MYO16: variants seen among roughly 807,000 people sequenced by gnomAD.
MYO16 encodes unconventional myosin-XVI.
A neutral mutation model predicts 205.3 loss-of-function variants in MYO16; 94 were observed. The ratio of observed to expected loss-of-function variants is 0.46; its 90% CI spans 0.39 to 0.54. The LOEUF (loss-of-function observed/expected upper bound fraction) is 0.54, where lower values mean the gene tolerates loss of function less well. MYO16 is among the 20% of genes least tolerant of loss of function. The probability of loss-of-function intolerance (pLI) is 0.00; values close to 1 mark genes in which losing one functional copy is unlikely to be tolerated. For synonymous variants in MYO16, 988 were observed against 954.0 expected (o/e 1.04, Z -0.66); for missense variants, 2,315 against 2,387.5 (o/e 0.97, Z 0.63).
chr13:108,650,423 G>A (rs767810559), intron 1 of MYO16, among the ~76,000 whole-genome samples: 1 of 152,228 alleles, frequency 6.6e-6, no homozygotes, highest in Non-Finnish European at 1.5e-5. Context: ...TCCTGTCTGA[G>A]ACTGTCTGAG....
At chr13:109,157,939 T>G (rs1878155039) in intron 32 of MYO16, among the ~76,000 whole-genome samples, 1 of 152,200 alleles carries the variant, frequency 6.6e-6, no homozygotes, top group South Asian at 2.1e-4. Context: ...ATGTGAGCAC[T>G]CAATGGATTG....
chr13:109,036,742 G>A lies in MYO16; in HGVS notation c.2797-10174G>A, dbSNP rs547726031. Among the ~76,000 whole-genome samples, 8 of 152,240 alleles carry A rather than the reference G, an allele frequency of 5.3e-5. No homozygotes were observed. The East Asian group carries it at 1.5e-3, about 29-fold the overall frequency. ...TTTCTCTATTACATGCATGAGAGAC[G>A]CTGCCATGTACTGCATGAATCCTGT... is the stretch of plus-strand genomic sequence containing the variant. On this transcript the variant is annotated intron_variant, in intron 23 of 34. Transcript: ENST00000457511.
At chr13:108,846,460 CAT>C (rs1877524796) in intron 10 of MYO16, among the ~76,000 whole-genome samples, 1 of 151,212 alleles carries the variant, frequency 6.6e-6, no homozygotes, top group African/African-American at 2.4e-5. Flanking sequence ...AAAATAATAT[CAT>C]TATATATATA....
chr13:109,113,953 C>G (rs1246120073), intron 28 of MYO16, among the ~76,000 whole-genome samples: 1 of 152,040 alleles, frequency 6.6e-6, no homozygotes, highest in African/African-American at 2.4e-5. Context: ...GGTATGGACT[C>G]GGGGATAAGA....
At chr13:108,886,917 A>C (rs1879926599) in intron 13 of MYO16, among the ~76,000 whole-genome samples, 1 of 152,100 alleles carries the variant, frequency 6.6e-6, no homozygotes, top group Non-Finnish European at 1.5e-5. Flanking sequence ...TTCTTCTTTC[A>C]AAATTGTGTG....
chr13:108,932,547 A>G (rs1447468253), intron 16 of MYO16, among the ~76,000 whole-genome samples: 1 of 152,196 alleles, frequency 6.6e-6, no homozygotes, highest in African/African-American at 2.4e-5. Flanking sequence ...TCCTTCATTA[A>G]AATGATCAGG....
At position 108,667,315 on chromosome 13, in the gene MYO16, G is replaced by GTTTT. The variant is rs1186561491; in HGVS notation, c.292+1167_292+1170dup. ...AAACTGTAATATTCTGAGAATTTCT[G>GTTTT]TTTTGTTTTTTTTTTTTTTTTGTCT... On this transcript the variant is annotated intron_variant, in intron 2 of 34. Transcript: ENST00000457511. 2.7e-3 allele frequency among the ~76,000 whole-genome samples: 319 copies of GTTTT among 118,278 alleles called. 6 individuals are homozygous for GTTTT. The highest frequency in any genetic ancestry group is 4.4e-3 in the Non-Finnish European group (252 of 57,566). The allele number at this position is 118,278 out of a possible 152,430, so 77.6% of individuals were successfully genotyped here.
chr13:108,711,453 C>A (rs774220462), intron 2 of MYO16, among the ~76,000 whole-genome samples: 34 of 152,210 alleles, frequency 2.2e-4, no homozygotes, highest in Admixed American at 9.8e-4. Context: ...TCCAAGGGTG[C>A]GCTGATGTAA....
At position 109,188,250 on chromosome 13, in the gene MYO16, C is replaced by T. The variant is rs145064419; in HGVS notation, c.5415+8617C>T. ...GATATAATTCACATACCACACAACC[C>T]GTGCCTTTAAGTTATGAAAATTCAG... is the stretch of plus-strand genomic sequence containing the variant. On this transcript the variant is annotated intron_variant, in intron 34 of 34. Coordinates refer to ENST00000457511, the MANE Select transcript of MYO16 (RefSeq NM_001198950.3). 1.0e-3 allele frequency among the ~76,000 whole-genome samples: 155 copies of T among 152,240 alleles called. 1 individual carries two copies. The highest frequency in any genetic ancestry group is 3.2e-3 in the African/African-American group (134 of 41,526).
chr13:109,186,308 G>C (rs570255941), intron 34 of MYO16, among the ~76,000 whole-genome samples: 220 of 152,326 alleles, frequency 1.4e-3, no homozygotes, highest in African/African-American at 5.1e-3. Context: ...GGAGAGGAAA[G>C]CATTAGGGAC....
At chr13:109,075,649 C>T (rs558656218) in intron 27 of MYO16, among the ~76,000 whole-genome samples, 80 of 152,190 alleles carry the variant, frequency 5.3e-4, no homozygotes, top group Non-Finnish European at 7.6e-4. Context: ...GCTAGGATTA[C>T]AGGCATGAGC....
rs576052064 is a variant in MYO16 at position 108,638,668 on chromosome 13, T to A, written c.28+8796T>A. Among the ~76,000 whole-genome samples, 3 of 152,320 alleles carry A rather than the reference T, an allele frequency of 2.0e-5. 1 individual carries two copies. Among genetic ancestry groups the A allele is most frequent in the African/African-American group, 7.2e-5 (3 of 41,576 alleles). ...ACCTATGCCCATATTTTAAGTTTTT[T>A]AATCATTCACTCACGCCAGACATTC... On this transcript the variant is annotated intron_variant, in intron 1 of 34. Coordinates refer to ENST00000457511, the MANE Select transcript of MYO16 (RefSeq NM_001198950.3).
intron 20 of MYO16, among the ~76,000 whole-genome samples, chr13:108,988,953 C>G (rs544847656): frequency 1.6e-4 from 24 of 152,268 alleles, no homozygotes; most frequent in African/African-American, 5.5e-4. Context: ...TTACCACTGG[C>G]AAAACCAGAC....
At chr13:109,153,231 CG>C (rs761594676) in intron 32 of MYO16, among the ~76,000 whole-genome samples, 38 of 152,120 alleles carry the variant, frequency 2.5e-4, no homozygotes, top group Non-Finnish European at 5.0e-4. Flanking sequence ...AGGATTTATA[CG>C]GGCAAATAGG....
At chr13:108,587,169 C>A in the MYO16 span, among the ~76,000 whole-genome samples, 115 of 152,076 alleles carry the variant, frequency 7.6e-4, 1 homozygote, top group South Asian at 4.2e-4. Flanking sequence ...AATTAGGGAG[C>A]GGTAAGGAAG....
At chr13:108,917,095 T>C (rs530068110) in intron 16 of MYO16, among the ~76,000 whole-genome samples, 1 of 152,238 alleles carries the variant, frequency 6.6e-6, no homozygotes, top group South Asian at 2.1e-4. Context: ...CTCATGCACA[T>C]GGCACATGCA....
In MYO16 at chr13:108,962,113, A is replaced by G. The variant is rs1004123904; in HGVS notation, c.2156-311A>G. On this transcript the variant is annotated intron_variant, in intron 18 of 34. Transcript: ENST00000457511. ...AAACCACAGATTGTCAGGAAACAAC[A>G]TATCTTCACCTATATCAAAGAGATT... is the stretch of plus-strand genomic sequence containing the variant. Among the ~76,000 whole-genome samples the G allele has an allele frequency of 6.6e-5, 10 of 152,328 alleles. No homozygotes were observed. The South Asian group carries it at 8.3e-4, about 13-fold the overall frequency.
the MYO16 span, among the ~76,000 whole-genome samples, chr13:108,528,848 G>A: frequency 1.3e-5 from 2 of 150,502 alleles, no homozygotes; most frequent in South Asian, 4.2e-4. Context: ...GTGAGAGGAA[G>A]AGAAACTGAC....
At chr13:108,749,940 C>G (rs1413384221) in intron 4 of MYO16, among the ~76,000 whole-genome samples, 2 of 152,126 alleles carry the variant, frequency 1.3e-5, no homozygotes, top group Non-Finnish European at 2.9e-5. Context: ...GAACAGGAGT[C>G]AGCAATAAAA....
Sources: gnomAD v4.1 joint callset for allele counts (sites outside exome capture counted in the v4.1 genomes callset) on GRCh38, gnomAD v4.1.1 for gene constraint, MANE v1.5 for transcripts, NCBI Gene and HGNC (gene_info 2026-07-23, HGNC 2026-07-21) for gene names.